JAK1: variants seen among roughly 807,000 people sequenced by gnomAD.
The protein encoded by JAK1 is tyrosine-protein kinase JAK1.
Under a neutral mutation model 136.6 loss-of-function variants are expected in JAK1, and 16 were observed. That is an observed-to-expected ratio of 0.12 (90% CI 0.08 to 0.18). The LOEUF (loss-of-function observed/expected upper bound fraction) is 0.18. Ranked by LOEUF, JAK1 falls within the 10% of genes least tolerant of loss-of-function variation. The pLI is 1.00. For synonymous variants in JAK1, 492 were observed against 519.5 expected (o/e 0.95, Z 0.72); for missense variants, 859 against 1,450.1 (o/e 0.59, Z 6.62).
At chr1:64,992,166 G>A (rs1557747423) in intron 2 of JAK1, 1 of 151,928 alleles carries the variant, frequency 6.6e-6, no homozygotes, top group Admixed American at 6.6e-5. Context: ...TATCCCCTGA[G>A]GTCAGGAGTT....
intron 8 of JAK1, among the ~76,000 whole-genome samples, chr1:64,861,402 T>C (rs1052162867): frequency 1.4e-4 from 22 of 151,878 alleles, no homozygotes. Flanking sequence ...TCAAGGAAGG[T>C]GTTCTGAAAG....
chr1:65,004,493 C>G, intron 2 of JAK1, among the ~76,000 whole-genome samples: 1 of 152,214 alleles, frequency 6.6e-6, no homozygotes, highest in East Asian at 1.9e-4. Flanking sequence ...GCTCATCTTT[C>G]AGAATAGACA....
At chr1:65,026,210 G>A (rs78929091) in intron 2 of JAK1, among the ~76,000 whole-genome samples, 3,900 of 152,262 alleles carry the variant, frequency 0.026, 70 homozygotes, top group Non-Finnish European at 0.038. Flanking sequence ...GATTTCCACA[G>A]AAAATCTTTT....
chr1:64,885,249 C>T (rs892392623), intron 2 of JAK1, among the ~76,000 whole-genome samples: 3 of 152,182 alleles, frequency 2.0e-5, no homozygotes, highest in African/African-American at 7.2e-5. Flanking sequence ...CAGCACTGAA[C>T]CCCTAACCCC....
At chr1:64,873,736 A>G (rs907269166) in intron 4 of JAK1, among the ~76,000 whole-genome samples, 1 of 152,110 alleles carries the variant, frequency 6.6e-6, no homozygotes, top group African/African-American at 2.4e-5. Flanking sequence ...TGACTCAGGG[A>G]GCTAAAGTGA....
rs191565920 is a variant in JAK1 at position 65,025,289 on chromosome 1, C to T, written c.-78+19191G>A. On this transcript the variant is annotated intron_variant, in intron 2 of 25. Coordinates refer to the JAK1 transcript ENST00000671954. ...CCCGAAGCAATGGTTAGAGCCCACC[C>T]GAAACATGGATTCCAAGTCGGGGAA... Among the ~76,000 whole-genome samples the T allele has an allele frequency of 2.7e-4, 41 of 152,184 alleles. 1 individual carries two copies. In the South Asian group the frequency reaches 7.3e-3, roughly 27 times the overall value.
At chr1:65,000,245 C>T (rs950342886) in intron 2 of JAK1, among the ~76,000 whole-genome samples, 11 of 152,082 alleles carry the variant, frequency 7.2e-5, no homozygotes, top group African/African-American at 1.4e-4. Context: ...CCTTGGCCAT[C>T]GTAAGTCTTA....
In JAK1 at chr1:64,869,403, A is replaced by C; in HGVS notation, c.555T>G (p.Ile185Met). 1 of 1,613,798 alleles carries C rather than the reference A, an allele frequency of 6.2e-7. No individual in the cohort carries two copies. Among genetic ancestry groups the C allele is most frequent in the Non-Finnish European group, 8.5e-7 (1 of 1,179,752 alleles). The change falls in exon 6 of 25, where the codon ATT (isoleucine) becomes ATG (methionine). Residue 185 changes from isoleucine (I) to methionine (M), a missense_variant. Physicochemically the swap from Ile to Met is conservative, Grantham distance 10. Around this residue, in one of 4 missense-constraint regions of JAK1, gnomAD observed 353 missense variants for 494.0 expected, o/e 0.71. Coordinates refer to ENST00000342505, the MANE Select transcript of JAK1 (RefSeq NM_002227.4). ...DPKTEQDGHDIENECLGMAVL... is the reference protein window; with the variant it reads ...DPKTEQDGHDMENECLGMAVL... ...CAGCCATCCCTAGACACTCGTTCTC[A>C]ATATCATGTCCATCCTGCTCGGTCT...
intron 15 of JAK1, 113 bp downstream of exon 15, chr1:64,845,400 T>C: frequency 1.6e-6 from 2 of 1,237,876 alleles, no homozygotes; most frequent in African/African-American, 1.5e-5. Flanking sequence ...CCTGGCCCCA[T>C]GGAACCCAAG....
chr1:64,877,494 C>CA (rs1300933045), intron 4 of JAK1, among the ~76,000 whole-genome samples: 1 of 152,142 alleles, frequency 6.6e-6, no homozygotes, highest in African/African-American at 2.4e-5. Context: ...GCCAGGCACT[C>CA]AGACAACCAA....
intron 1 of JAK1, among the ~76,000 whole-genome samples, chr1:65,063,764 C>T (rs1229689295): frequency 2.2e-5 from 3 of 138,042 alleles, no homozygotes; most frequent in Non-Finnish European, 3.0e-5. Context: ...AAGATCGCGT[C>T]ACTGCACTCC....
chr1:64,919,320 T>C (rs1645455038), intron 1 of JAK1, among the ~76,000 whole-genome samples: 6 of 152,188 alleles, frequency 3.9e-5, no homozygotes, highest in Admixed American at 3.9e-4. Context: ...TCCAGCTTCA[T>C]CCATGTCCCT....
At chr1:65,064,036 C>T (rs1311566810) in intron 1 of JAK1, among the ~76,000 whole-genome samples, 1 of 152,036 alleles carries the variant, frequency 6.6e-6, no homozygotes, top group Non-Finnish European at 1.5e-5. Flanking sequence ...AATTAATGGG[C>T]TATTCTACTT....
intron 1 of JAK1, among the ~76,000 whole-genome samples, chr1:64,922,761 T>C (rs1645517057): frequency 6.6e-6 from 1 of 152,176 alleles, no homozygotes; most frequent in African/African-American, 2.4e-5. Context: ...AAGCTAATCA[T>C]GAACACCATC....
At chr1:64,939,627 T>C (rs1645852490) in intron 1 of JAK1, among the ~76,000 whole-genome samples, 1 of 152,240 alleles carries the variant, frequency 6.6e-6, no homozygotes, top group Admixed American at 6.5e-5. Context: ...ATTAGGTATA[T>C]ACTAGGAGCT....
At chr1:64,954,335 CATA>C (rs1428258683) in intron 1 of JAK1, among the ~76,000 whole-genome samples, 1 of 152,172 alleles carries the variant, frequency 6.6e-6, no homozygotes, top group Non-Finnish European at 1.5e-5. Context: ...ATGCAAAATA[CATA>C]ACCCAACAAC....
intron 2 of JAK1, among the ~76,000 whole-genome samples, chr1:64,979,279 A>G (rs1285533575): frequency 6.6e-6 from 1 of 152,238 alleles, no homozygotes; most frequent in Non-Finnish European, 1.5e-5. Flanking sequence ...GTGCAGCTAT[A>G]GCTGCAACTA....
chr1:65,054,793 C>T (rs1647456841), intron 1 of JAK1, among the ~76,000 whole-genome samples: 1 of 151,916 alleles, frequency 6.6e-6, no homozygotes, highest in Non-Finnish European at 1.5e-5. Flanking sequence ...GTTTTCTTTA[C>T]ATTTTACACA....
chr1:64,934,641 G>C (rs934105908), intron 1 of JAK1, among the ~76,000 whole-genome samples: 1 of 152,150 alleles, frequency 6.6e-6, no homozygotes, highest in Non-Finnish European at 1.5e-5. Flanking sequence ...TCCATCTACT[G>C]GACCTACAGA....
Sources: gnomAD v4.1 joint callset for allele counts (sites outside exome capture counted in the v4.1 genomes callset) on GRCh38, gnomAD v4.1.1 for gene constraint, gnomAD v4.1.1 regional missense constraint, MANE v1.5 for transcripts, NCBI Gene and HGNC (gene_info 2026-07-23, HGNC 2026-07-21) for gene names.